DISC1: variants seen among roughly 807,000 people sequenced by gnomAD.
The protein encoded by DISC1 is DISC1 scaffold protein, also known as disrupted in schizophrenia 1 protein.
Under a neutral mutation model 84.5 loss-of-function variants are expected in DISC1, and 57 were observed. That is an observed-to-expected ratio of 0.67 (90% CI 0.55 to 0.84). The LOEUF is 0.84. Ranked by LOEUF, DISC1 falls within the 40% of genes least tolerant of loss-of-function variation. The pLI, the probability that DISC1 is intolerant of heterozygous loss-of-function variation, is 0.00. For synonymous variants in DISC1, 411 were observed against 415.2 expected (o/e 0.99, Z 0.12); for missense variants, 1,000 against 1,057.8 (o/e 0.95, Z 0.76).
intron 9 of DISC1, among the ~76,000 whole-genome samples, chr1:231,830,762 C>T (rs562660358): frequency 2.5e-4 from 38 of 152,176 alleles, no homozygotes; most frequent in Non-Finnish European, 4.6e-4. Flanking sequence ...TGTAGCATTC[C>T]GAGGACAGGC....
In DISC1 at chr1:231,888,518, GT is replaced by G. The variant is rs1223630469; in HGVS notation, c.1981+70002del. Among the ~76,000 whole-genome samples the G allele has an allele frequency of 8.6e-5, 13 of 151,586 alleles. No individual in the cohort carries two copies. In the South Asian group the frequency reaches 2.5e-3, roughly 29 times the overall value. On this transcript the variant is annotated intron_variant, in intron 9 of 12. Transcript: ENST00000439617. ...CCAGCACTTTGGGAGGCCGAGGGGG[GT>G]GGATCATGAGGTCAGGAGCTCCTGG...
chr1:231,705,538 T>A (rs574191906), intron 3 of DISC1, among the ~76,000 whole-genome samples: 106 of 151,890 alleles, frequency 7.0e-4, no homozygotes, highest in Admixed American at 4.0e-3. Flanking sequence ...AAAGTTAGGC[T>A]TGAAAGGAGA....
chr1:231,881,949 C>T (rs961785895), intron 9 of DISC1, among the ~76,000 whole-genome samples: 8 of 152,264 alleles, frequency 5.3e-5, no homozygotes, highest in East Asian at 1.9e-4. Flanking sequence ...GCATCTGAGA[C>T]GCGGGAGCAT....
In DISC1 at chr1:232,041,213, G is replaced by A. The variant is rs892942091; in HGVS notation, c.*4382G>A. On this transcript the variant is annotated 3_prime_UTR_variant, in exon 13 of 13. Coordinates refer to ENST00000439617, the MANE Select transcript of DISC1 (RefSeq NM_018662.3). Reference sequence around the variant, plus strand: ...TTATTCATCTCATCTTTCTGTTACAGGATGATTAATTGTACAGTTACATCA... The same window carrying A: ...TTATTCATCTCATCTTTCTGTTACAAGATGATTAATTGTACAGTTACATCA... 2.6e-5 allele frequency: 4 copies of A among 152,146 alleles called. No individual in the cohort carries two copies. In the South Asian group the frequency reaches 8.3e-4, roughly 32 times the overall value. 9.4% of individuals were successfully genotyped at this position (152,146 alleles called of 1,614,324 possible).
chr1:231,702,126 C>T, intron 3 of DISC1, 102 bp downstream of exon 3: 1 of 1,495,452 alleles, frequency 6.7e-7, no homozygotes. Flanking sequence ...ATTGTACAAT[C>T]TGTTCCTCTG....
intron 4 of DISC1, among the ~76,000 whole-genome samples, chr1:231,760,868 A>G (rs143911341): frequency 5.5e-4 from 84 of 152,314 alleles, no homozygotes; most frequent in African/African-American, 1.9e-3. Context: ...GGAGGTGGCA[A>G]TGTAGGCTCA....
chr1:231,731,822 C>G (rs1399712538), intron 3 of DISC1, among the ~76,000 whole-genome samples: 1 of 152,184 alleles, frequency 6.6e-6, no homozygotes, highest in African/African-American at 2.4e-5. Context: ...TCCCCTGCCT[C>G]ACAGCCAAGG....
At chr1:231,825,169 C>T (rs992808010) in intron 9 of DISC1, among the ~76,000 whole-genome samples, 22 of 152,294 alleles carry the variant, frequency 1.4e-4, no homozygotes, top group African/African-American at 4.1e-4. Context: ...ACTATTGTTA[C>T]ATCTTTTTTC....
At chr1:231,940,542 T>C (rs200952172) in intron 9 of DISC1, among the ~76,000 whole-genome samples, 18 of 152,200 alleles carry the variant, frequency 1.2e-4, no homozygotes, top group East Asian at 1.9e-4. Context: ...ATTCAGCACA[T>C]AATTTAAAAT....
chr1:231,831,268 A>T (rs2082204375), intron 9 of DISC1, among the ~76,000 whole-genome samples: 1 of 152,212 alleles, frequency 6.6e-6, no homozygotes, highest in Non-Finnish European at 1.5e-5. Context: ...CTGAGAAGTG[A>T]TTTCCTGGAG....
At chr1:231,667,533 T>C (rs74143900) in intron 1 of DISC1, among the ~76,000 whole-genome samples, 5,649 of 152,312 alleles carry the variant, frequency 0.037, 348 homozygotes, top group African/African-American at 0.13. Flanking sequence ...TCTACTTCAG[T>C]AAATCCAATT....
intron 9 of DISC1, among the ~76,000 whole-genome samples, chr1:231,885,085 G>A (rs1340648470): frequency 6.6e-6 from 1 of 152,174 alleles, no homozygotes. Flanking sequence ...TTGATGTCTA[G>A]TTAGCAAACC....
intron 1 of DISC1, among the ~76,000 whole-genome samples, chr1:231,683,549 G>A (rs1232918889): frequency 6.7e-6 from 1 of 149,018 alleles, no homozygotes; most frequent in Non-Finnish European, 1.5e-5. Flanking sequence ...GGCACATCTA[G>A]GATGCATGTA....
intron 8 of DISC1, among the ~76,000 whole-genome samples, chr1:231,813,555 C>T (rs201107321): frequency 1.3e-5 from 2 of 152,088 alleles, no homozygotes; most frequent in Non-Finnish European, 2.9e-5. Context: ...ATTACCGATC[C>T]GGGAAAAGTT....
intron 11 of DISC1, among the ~76,000 whole-genome samples, chr1:232,014,168 A>C (rs965081801): frequency 1.4e-4 from 22 of 152,164 alleles, no homozygotes; most frequent in African/African-American, 5.1e-4. Context: ...TATATCTAGA[A>C]ATGTCTTTAT....
intron 3 of DISC1, among the ~76,000 whole-genome samples, chr1:231,717,361 G>T (rs1225251781): frequency 1.3e-5 from 2 of 152,202 alleles, no homozygotes; most frequent in African/African-American, 2.4e-5. Context: ...GGAGGGATTG[G>T]TCTTTTCTGC....
At chr1:231,827,524 T>C (rs902942862) in intron 9 of DISC1, among the ~76,000 whole-genome samples, 13 of 152,362 alleles carry the variant, frequency 8.5e-5, no homozygotes, top group African/African-American at 2.6e-4. Context: ...ATTTTAGCTG[T>C]GTACTTTTTC....
At chr1:231,975,575 G>C (rs973823681) in intron 10 of DISC1, among the ~76,000 whole-genome samples, 1 of 152,108 alleles carries the variant, frequency 6.6e-6, no homozygotes, top group African/African-American at 2.4e-5. Context: ...GTGGGTGATT[G>C]GATAAAGAGA....
intron 9 of DISC1, among the ~76,000 whole-genome samples, chr1:231,925,368 G>A (rs2090303931): frequency 6.6e-6 from 1 of 152,158 alleles, no homozygotes; most frequent in African/African-American, 2.4e-5. Context: ...AGTGGACTGG[G>A]GCTGGAATGG....
Sources: allele counts gnomAD v4.1 joint callset (sites outside exome capture counted in the v4.1 genomes callset), GRCh38; gene constraint gnomAD v4.1.1; transcripts MANE v1.5; gene names NCBI Gene and HGNC (gene_info 2026-07-23, HGNC 2026-07-21).